The following EXOC4 variants were observed in gnomAD, a reference collection of about 807,000 sequenced individuals.
The protein encoded by EXOC4 is SEC8-like 1.
EXOC4 carries 71 observed loss-of-function variants against 107.2 expected under a neutral mutation model. The observed-to-expected ratio is 0.66, with a 90% CI of 0.55 to 0.81. The LOEUF (loss-of-function observed/expected upper bound fraction) is 0.81, where lower values mean the gene tolerates loss of function less well. EXOC4 is among the 30% of genes least tolerant of loss of function. The pLI, the probability that EXOC4 is intolerant of heterozygous loss-of-function variation, is 0.00. For missense variants in EXOC4, 1,108 were observed against 1,189.6 expected (o/e 0.93, Z 1.01); for synonymous variants, 456 against 441.2 (o/e 1.03, Z -0.42).
chr7:133,978,155 A>G (rs1383859864), intron 14 of EXOC4, among the ~76,000 whole-genome samples: 1 of 152,224 alleles, frequency 6.6e-6, no homozygotes, highest in Non-Finnish European at 1.5e-5. Flanking sequence ...CATCCTTTGT[A>G]CATCCCTCCC....
chr7:133,997,455 C>G, intron 14 of EXOC4, 37 bp from the exon 15 acceptor site: 1 of 1,610,082 alleles, frequency 6.2e-7, no homozygotes, highest in Non-Finnish European at 8.5e-7. Context: ...CTGTAGGCAT[C>G]TAATGAAATG....
In EXOC4 at chr7:133,506,177, G is replaced by A. The variant is rs1201603763; in HGVS notation, c.1417+26039G>A. Among the ~76,000 whole-genome samples the A allele has an allele frequency of 2.0e-5, 3 of 152,028 alleles. No individual in the cohort carries two copies. The East Asian group carries it at 5.8e-4, about 29-fold the overall frequency. ...TTAGAATACCTGAATAAATTAGGGA[G>A]GATATATTTCTTTAATATGATTGTT... On this transcript the variant is annotated intron_variant, in intron 9 of 17. Transcript: ENST00000253861.
chr7:133,514,007 G>C (rs1010544763), intron 9 of EXOC4, among the ~76,000 whole-genome samples: 1 of 152,098 alleles, frequency 6.6e-6, no homozygotes, highest in Non-Finnish European at 1.5e-5. Context: ...ATTAATTTAT[G>C]TATGTAATGT....
intron 9 of EXOC4, among the ~76,000 whole-genome samples, chr7:133,482,018 G>A (rs1471251797): frequency 3.3e-5 from 5 of 152,066 alleles, no homozygotes; most frequent in Admixed American, 1.3e-4. Flanking sequence ...CCACACTCAC[G>A]GTATCCTAAT....
intron 10 of EXOC4, among the ~76,000 whole-genome samples, chr7:133,651,772 C>T (rs775970769): frequency 5.3e-5 from 8 of 152,174 alleles, no homozygotes; most frequent in Non-Finnish European, 1.2e-4. Flanking sequence ...GCAACCTCTG[C>T]CTCCCAGGTT....
intron 10 of EXOC4, among the ~76,000 whole-genome samples, chr7:133,661,260 T>C (rs1433724851): frequency 6.6e-6 from 1 of 152,110 alleles, no homozygotes; most frequent in Admixed American, 6.6e-5. Flanking sequence ...AATTAACTGC[T>C]TAAAGAACTG....
At chr7:133,649,006 G>C (rs1803065680) in intron 10 of EXOC4, among the ~76,000 whole-genome samples, 2 of 152,170 alleles carry the variant, frequency 1.3e-5, no homozygotes, top group Non-Finnish European at 2.9e-5. Flanking sequence ...ACTGAAGCTT[G>C]AGTAGACTTT....
In EXOC4 at chr7:133,748,667, C is replaced by T. The variant is rs114699260; in HGVS notation, c.1515-68658C>T. Among the ~76,000 whole-genome samples the T allele has an allele frequency of 2.4e-3, 361 of 152,278 alleles. 5 individuals carry two copies. The highest frequency in any genetic ancestry group is 8.1e-3 in the African/African-American group (338 of 41,568). On this transcript the variant is annotated intron_variant, in intron 10 of 17. Transcript: ENST00000253861. ...AATCCATGTACAGGCTTCCTGTGCT[C>T]TCTCCCTTCCCTGAGAGGGTCATAT...
Position 134,065,484 on chromosome 7 carries a change from A to C in EXOC4, c.*956A>C, listed in dbSNP as rs971567343. On this transcript the variant is annotated 3_prime_UTR_variant, in exon 18 of 18. Transcript: ENST00000253861. ...GTCTCTGAATTGTTCCCTCCCCCGC[A>C]ATGTGGGCACTTACCATGTTCCTGG... 2 of 152,248 alleles carry C rather than the reference A, an allele frequency of 1.3e-5. No homozygotes were observed. The highest frequency in any genetic ancestry group is 4.8e-5 in the African/African-American group (2 of 41,418). 9.4% of individuals were successfully genotyped at this position (152,248 alleles called of 1,614,324 possible). A position where few individuals can be genotyped will look rare whatever the true frequency, so the allele number is the denominator to read the frequency against.
At chr7:133,819,946 T>C (rs1180074443) in intron 11 of EXOC4, among the ~76,000 whole-genome samples, 1 of 152,126 alleles carries the variant, frequency 6.6e-6, no homozygotes, top group African/African-American at 2.4e-5. Context: ...GTCAGATCAC[T>C]CCCAACCTCA....
intron 6 of EXOC4, among the ~76,000 whole-genome samples, chr7:133,365,496 A>T (rs1796231275): frequency 6.6e-6 from 1 of 152,200 alleles, no homozygotes; most frequent in Non-Finnish European, 1.5e-5. Context: ...CTTGACAAGG[A>T]GGGAGTAACA....
intron 9 of EXOC4, among the ~76,000 whole-genome samples, chr7:133,541,314 A>T (rs1227057326): frequency 6.6e-6 from 1 of 152,148 alleles, no homozygotes; most frequent in African/African-American, 2.4e-5. Flanking sequence ...AATATTGGTC[A>T]CTGTTACCTC....
chr7:133,576,092 G>T (rs983204750), intron 9 of EXOC4, among the ~76,000 whole-genome samples: 9 of 152,112 alleles, frequency 5.9e-5, no homozygotes, highest in Non-Finnish European at 7.4e-5. Context: ...GAATTGCTTG[G>T]ATCTTTACAT....
chr7:133,656,757 C>G (rs1213746062), intron 10 of EXOC4, among the ~76,000 whole-genome samples: 1 of 152,080 alleles, frequency 6.6e-6, no homozygotes, highest in Non-Finnish European at 1.5e-5. Context: ...ATGATTTGTG[C>G]CAGTACACTA....
chr7:133,548,920 G>C (rs933729901), intron 9 of EXOC4, among the ~76,000 whole-genome samples: 4 of 152,156 alleles, frequency 2.6e-5, no homozygotes, highest in Non-Finnish European at 4.4e-5. Flanking sequence ...TCGCAACGTG[G>C]CTGTTTGGTG....
chr7:133,992,347 A>G (rs907342479), intron 14 of EXOC4, among the ~76,000 whole-genome samples: 15 of 152,058 alleles, frequency 9.9e-5, no homozygotes, highest in African/African-American at 2.9e-4. Context: ...CAGTGATGCA[A>G]TCTCAGCTCA....
chr7:133,419,334 A>G (rs1797550299), intron 7 of EXOC4, among the ~76,000 whole-genome samples: 1 of 152,168 alleles, frequency 6.6e-6, no homozygotes, highest in African/African-American at 2.4e-5. Context: ...GAACAGATTA[A>G]GGACTTATTT....
chr7:133,843,715 G>A (rs1182177022), intron 11 of EXOC4, among the ~76,000 whole-genome samples: 1 of 152,148 alleles, frequency 6.6e-6, no homozygotes, highest in African/African-American at 2.4e-5. Flanking sequence ...TTGGAGTGGT[G>A]AGAGAAGGCG....
At chr7:133,742,872 T>G (rs1416603418) in intron 10 of EXOC4, among the ~76,000 whole-genome samples, 1 of 152,182 alleles carries the variant, frequency 6.6e-6, no homozygotes, top group Non-Finnish European at 1.5e-5. Flanking sequence ...AAACATATTA[T>G]TTTAACATCA....
Sources: gnomAD v4.1 joint callset for allele counts (sites outside exome capture counted in the v4.1 genomes callset) on GRCh38, gnomAD v4.1.1 for gene constraint, MANE v1.5 for transcripts, NCBI Gene and HGNC (gene_info 2026-07-23, HGNC 2026-07-21) for gene names.